ABCC9: variants seen among roughly 807,000 people sequenced by gnomAD.
ABCC9 encodes the protein ATP-binding cassette sub-family C member 9.
A neutral mutation model predicts 188.3 loss-of-function variants in ABCC9; 95 were observed. That is an observed-to-expected ratio of 0.50 (90% CI 0.43 to 0.60). The LOEUF (loss-of-function observed/expected upper bound fraction) is 0.60, where lower values mean the gene tolerates loss of function less well. ABCC9 is among the 20% of genes least tolerant of loss of function. The pLI, the probability that ABCC9 is intolerant of heterozygous loss-of-function variation, is 0.00. For missense variants in ABCC9, 1,102 were observed against 1,876.3 expected (o/e 0.59, Z 7.62); for synonymous variants, 659 against 652.7 (o/e 1.01, Z -0.15).
intron 13 of ABCC9, among the ~76,000 whole-genome samples, chr12:21,894,935 G>A (rs1053760129): frequency 6.6e-6 from 1 of 152,126 alleles, no homozygotes; most frequent in African/African-American, 2.4e-5. Context: ...ATTCCCAACC[G>A]CTGTTCATTT....
chr12:21,930,811 A>G (rs1257862889), intron 4 of ABCC9, among the ~76,000 whole-genome samples: 1 of 152,142 alleles, frequency 6.6e-6, no homozygotes, highest in Non-Finnish European at 1.5e-5. Flanking sequence ...CCATGAAAAA[A>G]CTTAAAGGCA....
At chr12:21,935,876 T>A (rs2138073236) in intron 3 of ABCC9, among the ~76,000 whole-genome samples, 1 of 152,266 alleles carries the variant, frequency 6.6e-6, no homozygotes, top group Middle Eastern at 3.4e-3. Context: ...TTATTCATAA[T>A]TGCCCCTAAT....
intron 38 of ABCC9, 41 bp downstream of exon 38, chr12:21,807,305 C>T (rs1941924974): frequency 6.2e-7 from 1 of 1,613,090 alleles, no homozygotes; most frequent in Admixed American, 1.7e-5. Context: ...ATGCACATTT[C>T]TCCAATTCGT....
At position 21,925,457 on chromosome 12, in the gene ABCC9, A is replaced by G. The variant is rs113677041; in HGVS notation, c.406+485T>C. On this transcript the variant is annotated intron_variant, in intron 5 of 39. Transcript: ENST00000261200. The stretch of plus-strand genomic sequence containing the variant: ...TTATGCTAGAAACATACTCTGCTAC[A>G]TAGTAATTCTAGTAAAATGTGGCAT... 7.8e-3 allele frequency: 5,508 copies of G among 702,086 alleles called. 198 individuals carry two copies. The African/African-American group carries it at 0.083, about 11-fold the overall frequency. 43.5% of individuals were successfully genotyped at this position (702,086 alleles called of 1,614,324 possible). A position where few individuals can be genotyped will look rare whatever the true frequency, so the allele number is the denominator to read the frequency against.
chr12:21,900,426 G>A (rs1004959300), intron 12 of ABCC9, among the ~76,000 whole-genome samples: 1 of 152,172 alleles, frequency 6.6e-6, no homozygotes, highest in Non-Finnish European at 1.5e-5. Context: ...AAAGAACGCA[G>A]CTCCTCACCA....
chr12:21,858,830 CA>C (rs1945358704), intron 22 of ABCC9, among the ~76,000 whole-genome samples: 1 of 152,004 alleles, frequency 6.6e-6, no homozygotes, highest in Admixed American at 6.6e-5. Context: ...TTCTGGGAAC[CA>C]GATTGATAAG....
chr12:21,855,682 G>C (rs996370109), intron 22 of ABCC9, among the ~76,000 whole-genome samples: 6 of 152,200 alleles, frequency 3.9e-5, no homozygotes, highest in Non-Finnish European at 8.8e-5. Flanking sequence ...AAAGAGGCCT[G>C]AGAGAAAGCA....
chr12:21,851,647 T>C (rs1257779349), intron 24 of ABCC9, among the ~76,000 whole-genome samples: 1 of 152,168 alleles, frequency 6.6e-6, no homozygotes, highest in African/African-American at 2.4e-5. Flanking sequence ...CCTTACAACT[T>C]TGCCCACTAC....
chr12:21,937,000 CA>C (rs1226820895), intron 2 of ABCC9, among the ~76,000 whole-genome samples: 1 of 151,532 alleles, frequency 6.6e-6, no homozygotes, highest in Non-Finnish European at 1.5e-5. Flanking sequence ...TTTCAAAGAA[CA>C]AAAATGGTCA....
intron 21 of ABCC9, among the ~76,000 whole-genome samples, chr12:21,860,522 A>G (rs1945452084): frequency 6.6e-6 from 1 of 152,232 alleles, no homozygotes; most frequent in African/African-American, 2.4e-5. Flanking sequence ...GATTATAGGT[A>G]TAACTATTTT....
intron 18 of ABCC9, among the ~76,000 whole-genome samples, chr12:21,865,836 CAAGA>C (rs1384536364): frequency 6.6e-6 from 1 of 151,996 alleles, no homozygotes; most frequent in Non-Finnish European, 1.5e-5. Flanking sequence ...ATACAGCAAA[CAAGA>C]AAGATCCACT....
intron 31 of ABCC9, among the ~76,000 whole-genome samples, chr12:21,825,336 A>G (rs1403873872): frequency 6.6e-6 from 1 of 152,238 alleles, no homozygotes; most frequent in Non-Finnish European, 1.5e-5. Flanking sequence ...ATAACGATAC[A>G]TGCACATATA....
At chr12:21,902,141 A>T (rs1947789171) in intron 12 of ABCC9, among the ~76,000 whole-genome samples, 1 of 152,080 alleles carries the variant, frequency 6.6e-6, no homozygotes, top group Admixed American at 6.5e-5. Flanking sequence ...GGATTAAGAA[A>T]CTCACTCAAA....
rs530398009 is a variant in ABCC9, at chr12:21,848,306, A to G, written c.2770-60T>C. 3.6e-4 allele frequency: 512 copies of G among 1,412,954 alleles called. 5 individuals carry two copies. In the South Asian group the frequency reaches 5.6e-3, roughly 16 times the overall value. The allele number at this position is 1,412,954 out of a possible 1,614,324, so 87.5% of individuals were successfully genotyped here. On this transcript the variant is annotated intron_variant, in intron 24 of 39. Transcript: ENST00000261200. ...AACACCAATAGGTTGTGACTTATCA[A>G]TGAATGACTCACACGTGTAAATGGT...
chr12:21,813,464 T>C (rs1942395110), intron 35 of ABCC9, among the ~76,000 whole-genome samples: 1 of 152,136 alleles, frequency 6.6e-6, no homozygotes, highest in Non-Finnish European at 1.5e-5. Flanking sequence ...TAATAAATTA[T>C]GAATTAAAAT....
Position 21,806,019 on chromosome 12 carries a change from G to A in ABCC9, c.4491C>T (p.Asp1497=). 6.2e-7 allele frequency: 1 copy of A among 1,613,510 alleles called. No individual in the cohort carries two copies. The highest frequency in any genetic ancestry group is 1.3e-5 in the African/African-American group (1 of 74,896). Residue 1497 remains aspartate (D), a synonymous_variant, in exon 39 of 40, where the codon GAC becomes GAT. Coordinates refer to ENST00000261200, the MANE Select transcript of ABCC9 (RefSeq NM_020297.4). ...TTACAGCTATTGTCACCACGGTCCG[G>A]TCTGCAAAGGCTGTCATTACTACTT... ...LQKVVMTAFA[D]RTVVTIAHRV... is the part of the protein sequence containing the mutation.
chr12:21,907,927 C>T, intron 11 of ABCC9, 150 bp downstream of exon 11: 1 of 949,156 alleles, frequency 1.1e-6, no homozygotes. Context: ...GTTTTTGCAA[C>T]ATGGAAAATA....
At chr12:21,890,255 C>T (rs558801817) in intron 14 of ABCC9, among the ~76,000 whole-genome samples, 4 of 152,140 alleles carry the variant, frequency 2.6e-5, no homozygotes, top group East Asian at 1.9e-4. Flanking sequence ...TGTAATGACC[C>T]GCTTCTTAAA....
chr12:21,921,818 T>C (rs1293221740), intron 5 of ABCC9, among the ~76,000 whole-genome samples: 1 of 152,092 alleles, frequency 6.6e-6, no homozygotes, highest in Non-Finnish European at 1.5e-5. Flanking sequence ...GAACCATTTA[T>C]TGAAGTGACT....
Sources: allele counts gnomAD v4.1 joint callset (sites outside exome capture counted in the v4.1 genomes callset), GRCh38; gene constraint gnomAD v4.1.1; transcripts MANE v1.5; gene names NCBI Gene and HGNC (gene_info 2026-07-23, HGNC 2026-07-21).